STARD13: variants seen among roughly 807,000 people sequenced by gnomAD.
The protein encoded by STARD13 is stAR-related lipid transfer protein 13.
STARD13 carries 62 observed loss-of-function variants against 106.4 expected under a neutral mutation model. The observed-to-expected ratio is 0.58, with a 90% CI of 0.48 to 0.72. STARD13 has a LOEUF of 0.72. Ranked by LOEUF, STARD13 falls within the 30% of genes least tolerant of loss-of-function variation. The pLI, the probability that STARD13 is intolerant of heterozygous loss-of-function variation, is 0.00. For missense variants in STARD13, 1,387 were observed against 1,424.0 expected (o/e 0.97, Z 0.42); for synonymous variants, 565 against 553.0 (o/e 1.02, Z -0.31).
intron 1 of STARD13, among the ~76,000 whole-genome samples, chr13:33,327,079 A>G (rs1340210211): frequency 2.0e-5 from 3 of 152,208 alleles, no homozygotes; most frequent in Non-Finnish European, 4.4e-5. Context: ...CTGTATTTTA[A>G]TTTCCCTTGA....
intron 1 of STARD13, among the ~76,000 whole-genome samples, chr13:33,301,145 G>A (rs1320031862): frequency 6.6e-6 from 1 of 152,218 alleles, no homozygotes; most frequent in Non-Finnish European, 1.5e-5. Context: ...GTGTCTTTCT[G>A]CTCATTATTG....
rs547478888 is a variant in STARD13 at position 33,126,179 on chromosome 13, C to T, written c.1984G>A (p.Gly662Ser). The change falls in exon 7 of 14, where the codon GGC becomes AGC. Residue 662 changes from glycine (G) to serine (S), a missense_variant. Physicochemically the swap from Gly to Ser is moderately conservative, Grantham distance 56. Transcript: ENST00000336934. Reference sequence around the variant, plus strand: ...TGGACGTGGACTATGAGAGGAACGCCAAAGACAGCCTTGTCTTTGTAGTCG... The same window carrying T: ...TGGACGTGGACTATGAGAGGAACGCTAAAGACAGCCTTGTCTTTGTAGTCG... ...VPDYKDKAVF[G>S]VPLIVHVQRT... 4 of 1,614,174 alleles carry T rather than the reference C, an allele frequency of 2.5e-6. No individual in the cohort carries two copies. In the African/African-American group the frequency reaches 5.3e-5, roughly 22 times the overall value.
At chr13:33,106,735 C>A in intron 13 of STARD13, 23 bp downstream of exon 13, 2 of 1,578,868 alleles carry the variant, frequency 1.3e-6, no homozygotes, top group Non-Finnish European at 8.6e-7. Flanking sequence ...TCTGAGCCTG[C>A]CATTAAGGGA....
intron 1 of STARD13, among the ~76,000 whole-genome samples, chr13:33,197,138 CGTT>C (rs535622392): frequency 2.8e-4 from 43 of 152,300 alleles, no homozygotes; most frequent in Non-Finnish European, 5.4e-4. Flanking sequence ...ATGGCACACA[CGTT>C]GTGTTTGTAC....
intron 1 of STARD13, among the ~76,000 whole-genome samples, chr13:33,169,151 G>A (rs1382601413): frequency 6.6e-6 from 1 of 152,218 alleles, no homozygotes. Flanking sequence ...AGGGAACCAA[G>A]CTGGAAAGAA....
At chr13:33,381,556 A>T in the STARD13 span, among the ~76,000 whole-genome samples, 1 of 152,062 alleles carries the variant, frequency 6.6e-6, no homozygotes, top group East Asian at 1.9e-4. Context: ...CCTGACCAAC[A>T]TGATGAAACC....
At chr13:33,140,391 C>T (rs1012111003) in intron 4 of STARD13, among the ~76,000 whole-genome samples, 2 of 152,194 alleles carry the variant, frequency 1.3e-5, no homozygotes, top group African/African-American at 4.8e-5. Context: ...CAACATCTGA[C>T]CCTCATGCTT....
the STARD13 span, among the ~76,000 whole-genome samples, chr13:33,662,028 C>T: frequency 5.3e-5 from 8 of 151,908 alleles, no homozygotes; most frequent in East Asian, 7.7e-4. Flanking sequence ...TCTGGGAGGC[C>T]GAGGTGGGCG....
At chr13:33,585,736 A>C in the STARD13 span, among the ~76,000 whole-genome samples, 1 of 152,340 alleles carries the variant, frequency 6.6e-6, no homozygotes, top group South Asian at 2.1e-4. Flanking sequence ...ATACAATGGA[A>C]TATTATTTAG....
At chr13:33,353,653 A>G (rs1456567614), upstream of STARD13, among the ~76,000 whole-genome samples, 2 of 152,230 alleles carry the variant, frequency 1.3e-5, no homozygotes, top group African/African-American at 4.8e-5. Context: ...TGGCACATAG[A>G]AAAGACTTAA....
At chr13:33,651,718 A>G in the STARD13 span, among the ~76,000 whole-genome samples, 1 of 152,196 alleles carries the variant, frequency 6.6e-6, no homozygotes, top group East Asian at 1.9e-4. Context: ...TTCTTTAGGA[A>G]TATTAGCCAG....
At chr13:33,433,520 T>A in the STARD13 span, among the ~76,000 whole-genome samples, 1 of 151,910 alleles carries the variant, frequency 6.6e-6, no homozygotes, top group Non-Finnish European at 1.5e-5. Context: ...CAGGGTCACA[T>A]CCTCCTGCTA....
the STARD13 span, among the ~76,000 whole-genome samples, chr13:33,581,433 G>GACT: frequency 2.0e-5 from 3 of 152,164 alleles, no homozygotes; most frequent in Non-Finnish European, 2.9e-5. Flanking sequence ...TATCATAATA[G>GACT]ACTAACTATA....
chr13:33,248,852 C>A (rs9597050), intron 1 of STARD13, among the ~76,000 whole-genome samples: 1,796 of 152,264 alleles, frequency 0.012, 27 homozygotes, highest in African/African-American at 0.036. Context: ...GCTTGATACT[C>A]CCTGGTCTTA....
chr13:33,305,280 C>T (rs1424741019), intron 1 of STARD13, among the ~76,000 whole-genome samples: 3 of 152,102 alleles, frequency 2.0e-5, no homozygotes, highest in East Asian at 1.9e-4. Flanking sequence ...ACTTTACTGC[C>T]GTCACTAAGC....
At chr13:33,512,650 G>T in the STARD13 span, among the ~76,000 whole-genome samples, 1 of 152,014 alleles carries the variant, frequency 6.6e-6, no homozygotes, top group Non-Finnish European at 1.5e-5. Context: ...TGAATTTTTA[G>T]TAGAGATGGG....
the STARD13 span, among the ~76,000 whole-genome samples, chr13:33,396,026 T>C: frequency 6.6e-6 from 1 of 151,864 alleles, no homozygotes; most frequent in Non-Finnish European, 1.5e-5. Context: ...TTTTTAAATT[T>C]TTTTTGGTAG....
At chr13:33,533,577 A>C in the STARD13 span, among the ~76,000 whole-genome samples, 2 of 151,714 alleles carry the variant, frequency 1.3e-5, no homozygotes, top group African/African-American at 4.8e-5. Flanking sequence ...TTTTTTGTTC[A>C]CCCTATCAAG....
At chr13:33,311,303 A>T (rs1475226099) in intron 1 of STARD13, among the ~76,000 whole-genome samples, 2 of 152,176 alleles carry the variant, frequency 1.3e-5, no homozygotes, top group Non-Finnish European at 2.9e-5. Context: ...TCTCAAAAAA[A>T]TAAAACTAAA....
Sources: gnomAD v4.1 joint callset for allele counts (sites outside exome capture counted in the v4.1 genomes callset) on GRCh38, gnomAD v4.1.1 for gene constraint, MANE v1.5 for transcripts, NCBI Gene and HGNC (gene_info 2026-07-23, HGNC 2026-07-21) for gene names.